Variants in SLCO1B3 observed in about 807,000 individuals in gnomAD.
SLCO1B3 encodes the protein solute carrier organic anion transporter family member 1B3.
Under a neutral mutation model 71.8 loss-of-function variants are expected in SLCO1B3, and 72 were observed. The observed-to-expected ratio is 1.00, with a 90% CI of 0.83 to 1.22. SLCO1B3 has a LOEUF of 1.22. Ranked by LOEUF, SLCO1B3 falls within the 50% of genes most tolerant of loss-of-function variation. The pLI is 0.00. For synonymous variants in SLCO1B3, 298 were observed against 278.4 expected (o/e 1.07, Z -0.70); for missense variants, 911 against 819.7 (o/e 1.11, Z -1.36).
chr12:20,851,650 G>C (rs1865027026), intron 3 of SLCO1B3, among the ~76,000 whole-genome samples: 1 of 152,112 alleles, frequency 6.6e-6, no homozygotes, highest in Non-Finnish European at 1.5e-5. Context: ...TTTATGTGCA[G>C]AGGTCTTTAA....
intron 13 of SLCO1B3, among the ~76,000 whole-genome samples, chr12:20,888,551 T>C (rs1296316294): frequency 1.3e-5 from 2 of 152,082 alleles, no homozygotes; most frequent in Non-Finnish European, 1.5e-5. Flanking sequence ...ATCCTGAAAC[T>C]TTACTGAAGT....
chr12:20,850,303 A>G (rs1314894331), intron 3 of SLCO1B3, among the ~76,000 whole-genome samples: 2 of 130,332 alleles, frequency 1.5e-5, no homozygotes, highest in Admixed American at 7.8e-5. Context: ...TTTTTGAGAC[A>G]GAGTCTCGCT....
chr12:20,820,220 C>T (rs1033556248), intron 3 of SLCO1B3, among the ~76,000 whole-genome samples: 4 of 151,830 alleles, frequency 2.6e-5, no homozygotes, highest in Non-Finnish European at 5.9e-5. Context: ...TTACCTAAAG[C>T]TCGGCGTCCG....
chr12:20,894,123 C>T (rs1660864588), intron 13 of SLCO1B3, among the ~76,000 whole-genome samples: 1 of 152,252 alleles, frequency 6.6e-6, no homozygotes, highest in Admixed American at 6.5e-5. Context: ...GAAAGAACAA[C>T]AGAGGATCAA....
At chr12:20,814,642 G>A (rs1401303281) in intron 2 of SLCO1B3, among the ~76,000 whole-genome samples, 1 of 152,110 alleles carries the variant, frequency 6.6e-6, no homozygotes, top group Non-Finnish European at 1.5e-5. Context: ...TGTAATCCCA[G>A]CACTTTGGGA....
chr12:20,843,904 C>G (rs1864853487), intron 3 of SLCO1B3, among the ~76,000 whole-genome samples: 1 of 142,960 alleles, frequency 7.0e-6, no homozygotes, highest in Non-Finnish European at 1.6e-5. Context: ...TCTAAACTTT[C>G]TCCATATATA....
chr12:20,834,547 T>A (rs1864631586), intron 3 of SLCO1B3, among the ~76,000 whole-genome samples: 1 of 150,348 alleles, frequency 6.7e-6, no homozygotes, highest in South Asian at 2.1e-4. Context: ...TATATGTAAT[T>A]TATTTAGCAT....
chr12:20,893,000 T>C (rs1315113147), intron 13 of SLCO1B3, among the ~76,000 whole-genome samples: 2 of 152,078 alleles, frequency 1.3e-5, no homozygotes, highest in African/African-American at 4.8e-5. Context: ...AGATGAGCAA[T>C]TATAACAAAA....
intron 15 of SLCO1B3, among the ~76,000 whole-genome samples, chr12:20,913,748 A>C (rs1866435044): frequency 6.6e-6 from 1 of 152,068 alleles, no homozygotes; most frequent in Non-Finnish European, 1.5e-5. Context: ...TTAATCCTCT[A>C]ACAATCTTAT....
chr12:20,893,115 A>G (rs576154380), intron 13 of SLCO1B3, among the ~76,000 whole-genome samples: 1 of 152,164 alleles, frequency 6.6e-6, no homozygotes, highest in Non-Finnish European at 1.5e-5. Context: ...CTTGTAACAG[A>G]TATATTAAAG....
chr12:20,858,498 T>C lies in SLCO1B3; in HGVS notation c.286T>C (p.Leu96=). The part of the protein sequence containing the change: ...YFGSKLHRPK[L]IGIGCLLMGT... ...TGGATCTAAACTACACAGACCGAAGTTAATTGGAATTGGTTGTCTCCTTAT... is the reference window on the plus strand; with the variant it reads ...TGGATCTAAACTACACAGACCGAAGCTAATTGGAATTGGTTGTCTCCTTAT... Residue 96 remains leucine (L), a synonymous_variant, in exon 5 of 16, where the codon TTA becomes CTA. Transcript: ENST00000381545. 1 of 1,597,726 alleles carries C rather than the reference T, an allele frequency of 6.3e-7. No individual in the cohort carries two copies. The highest frequency in any genetic ancestry group is 8.6e-7 in the Non-Finnish European group (1 of 1,165,068).
chr12:20,908,500 T>C (rs1476663860), intron 15 of SLCO1B3, among the ~76,000 whole-genome samples: 2 of 152,064 alleles, frequency 1.3e-5, no homozygotes, highest in African/African-American at 4.8e-5. Context: ...AAAAGTAGTC[T>C]TGCTGCCCTA....
intron 15 of SLCO1B3, among the ~76,000 whole-genome samples, chr12:20,904,914 C>T (rs564234076): frequency 4.1e-4 from 62 of 152,050 alleles, no homozygotes; most frequent in African/African-American, 1.4e-3. Flanking sequence ...GGTGGGACCA[C>T]AGGCATGCAC....
At chr12:20,904,439 A>C (rs908795015) in intron 15 of SLCO1B3, among the ~76,000 whole-genome samples, 1 of 152,088 alleles carries the variant, frequency 6.6e-6, no homozygotes, top group East Asian at 1.9e-4. Flanking sequence ...CTAGGGCACA[A>C]TGATGCAAGA....
At chr12:20,893,282 A>C (rs148267588) in intron 13 of SLCO1B3, among the ~76,000 whole-genome samples, 1 of 152,208 alleles carries the variant, frequency 6.6e-6, no homozygotes, top group African/African-American at 2.4e-5. Context: ...AGCATAATCT[A>C]TATGATCTAT....
intron 3 of SLCO1B3, among the ~76,000 whole-genome samples, chr12:20,849,152 A>C (rs1051030241): frequency 1.3e-5 from 2 of 152,136 alleles, no homozygotes; most frequent in Non-Finnish European, 2.9e-5. Context: ...TCTATTAAGT[A>C]TATTAAAAAA....
chr12:20,882,931 A>G (rs971974674), intron 12 of SLCO1B3, among the ~76,000 whole-genome samples: 1 of 152,122 alleles, frequency 6.6e-6, no homozygotes, highest in Non-Finnish European at 1.5e-5. Flanking sequence ...AATATACTAT[A>G]TCTTGTCACC....
rs199721915 is a variant in SLCO1B3, at chr12:20,826,075, C to A, written c.84+10253C>A. 5.3e-5 allele frequency among the ~76,000 whole-genome samples: 8 copies of A among 152,150 alleles called. No homozygotes were observed. The East Asian group carries it at 1.4e-3, about 26-fold the overall frequency. ...GGAGTACATTTAAATAACATGCAAT[C>A]AAAACTAATGTAAACCGTACTTGAA... is the stretch of plus-strand genomic sequence containing the variant. On this transcript the variant is annotated intron_variant, in intron 3 of 15. Transcript: ENST00000381545.
chr12:20,835,084 G>A (rs1364063051), intron 3 of SLCO1B3, among the ~76,000 whole-genome samples: 2 of 152,170 alleles, frequency 1.3e-5, no homozygotes, highest in Non-Finnish European at 2.9e-5. Context: ...GCCAAGGCAT[G>A]GGGCTTTTAC....
Sources: allele counts gnomAD v4.1 joint callset (sites outside exome capture counted in the v4.1 genomes callset), GRCh38; gene constraint gnomAD v4.1.1; transcripts MANE v1.5; gene names NCBI Gene and HGNC (gene_info 2026-07-23, HGNC 2026-07-21).